Variants in RPS6KA2 observed in about 807,000 individuals in gnomAD.
The protein encoded by RPS6KA2 is ribosomal protein S6 kinase A2.
In RPS6KA2, 42 loss-of-function variants were observed where a neutral mutation model predicts 91.8. The ratio of observed to expected loss-of-function variants is 0.46; its 90% CI spans 0.36 to 0.59. The LOEUF (loss-of-function observed/expected upper bound fraction) is 0.59, where lower values mean the gene tolerates loss of function less well. RPS6KA2 is among the 20% of genes least tolerant of loss of function. The pLI, the probability that RPS6KA2 is intolerant of heterozygous loss-of-function variation, is 0.00. For synonymous variants in RPS6KA2, 414 were observed against 393.6 expected (o/e 1.05, Z -0.61); for missense variants, 798 against 978.5 (o/e 0.82, Z 2.46).
intron 2 of RPS6KA2, among the ~76,000 whole-genome samples, chr6:166,834,669 G>GAA (rs1780275219): frequency 6.6e-6 from 1 of 152,160 alleles, no homozygotes; most frequent in Admixed American, 6.5e-5. Context: ...TTGGGTGGTT[G>GAA]TCTTCTTATT....
intron 1 of RPS6KA2, among the ~76,000 whole-genome samples, chr6:166,539,819 G>A (rs567147154): frequency 4.5e-4 from 69 of 152,284 alleles, no homozygotes; most frequent in African/African-American, 1.5e-3. Flanking sequence ...TGAGACATTC[G>A]AGCCCAACTG....
chr6:166,706,595 CT>C (rs2128578385), intron 2 of RPS6KA2, among the ~76,000 whole-genome samples: 1 of 152,284 alleles, frequency 6.6e-6, no homozygotes, highest in East Asian at 1.9e-4. Flanking sequence ...CATCTGTGCT[CT>C]TTCCATCCCA....
intron 7 of RPS6KA2, 63 bp from the exon 8 acceptor site, chr6:166,498,713 A>G (rs1443137317): frequency 3.1e-6 from 5 of 1,587,894 alleles, no homozygotes; most frequent in Non-Finnish European, 3.4e-6. Context: ...GTCCACACTC[A>G]GGCGGGCATC....
At chr6:166,465,151 T>A (rs1211057581) in intron 11 of RPS6KA2, among the ~76,000 whole-genome samples, 1 of 152,228 alleles carries the variant, frequency 6.6e-6, no homozygotes, top group Non-Finnish European at 1.5e-5. Context: ...TTAGGAAATG[T>A]CTTCTCATTC....
intron 2 of RPS6KA2, chr6:166,702,367 G>A (rs1789550253): frequency 2.5e-6 from 4 of 1,609,604 alleles, no homozygotes; most frequent in East Asian, 2.2e-5. Flanking sequence ...TTTCATCAGG[G>A]ATATAGGCTA....
rs190482038 is a variant in RPS6KA2, at chr6:166,779,756, G to A, written c.123+78444C>T. On this transcript the variant is annotated intron_variant, in intron 2 of 21. Coordinates refer to the RPS6KA2 transcript ENST00000503859. ...CACCCCAGACTCTCACCAGGCAGAA[G>A]AGGAACTGGATGGCTGACTGCAGAA... Among the ~76,000 whole-genome samples, 42 of 152,266 alleles carry A rather than the reference G, an allele frequency of 2.8e-4. 1 individual carries two copies. The East Asian group carries it at 5.8e-3, about 21-fold the overall frequency.
intron 2 of RPS6KA2, among the ~76,000 whole-genome samples, chr6:166,637,248 C>G (rs1451108766): frequency 6.6e-6 from 1 of 152,202 alleles, no homozygotes; most frequent in Non-Finnish European, 1.5e-5. Context: ...GCTTGTTGGC[C>G]AAGGACACAC....
At chr6:166,555,551 C>T (rs960940185) in intron 1 of RPS6KA2, among the ~76,000 whole-genome samples, 1 of 152,210 alleles carries the variant, frequency 6.6e-6, no homozygotes, top group East Asian at 1.9e-4. Flanking sequence ...AATCCTGAGC[C>T]CAAATTCCTC....
At chr6:166,574,585 G>A (rs998532613) in intron 1 of RPS6KA2, among the ~76,000 whole-genome samples, 8 of 152,232 alleles carry the variant, frequency 5.3e-5, no homozygotes, top group East Asian at 1.9e-4. Context: ...TTGATTCCAC[G>A]TCTGTGCTAT....
At chr6:166,596,707 C>T (rs907455092) in intron 1 of RPS6KA2, among the ~76,000 whole-genome samples, 1 of 152,176 alleles carries the variant, frequency 6.6e-6, no homozygotes, top group Non-Finnish European at 1.5e-5. Context: ...TGGGACTTTA[C>T]CTTGTGATGG....
At chr6:166,658,348 G>A (rs998210059) in intron 2 of RPS6KA2, among the ~76,000 whole-genome samples, 8 of 152,318 alleles carry the variant, frequency 5.3e-5, no homozygotes, top group Non-Finnish European at 7.3e-5. Context: ...CCCACTGTAC[G>A]CAGAGATCAC....
At chr6:166,796,823 C>T (rs111833448) in intron 2 of RPS6KA2, among the ~76,000 whole-genome samples, 6,704 of 151,738 alleles carry the variant, frequency 0.044, 485 homozygotes, top group African/African-American at 0.15. Context: ...CCTGAGTGCA[C>T]GCACGTGGCA....
At chr6:166,415,839 C>T (rs1778477743) in intron 19 of RPS6KA2, among the ~76,000 whole-genome samples, 1 of 152,014 alleles carries the variant, frequency 6.6e-6, no homozygotes, top group South Asian at 2.1e-4. Context: ...CCACCTCCAC[C>T]ATCACCCTTA....
chr6:166,566,689 G>A (rs980412475), intron 1 of RPS6KA2, among the ~76,000 whole-genome samples: 1 of 152,198 alleles, frequency 6.6e-6, no homozygotes, highest in Non-Finnish European at 1.5e-5. Flanking sequence ...GCCTCTTAAG[G>A]GAAGCAATTC....
intron 1 of RPS6KA2, among the ~76,000 whole-genome samples, chr6:166,625,781 G>A (rs543873990): frequency 4.1e-4 from 63 of 152,240 alleles, no homozygotes; most frequent in African/African-American, 1.5e-3. Context: ...TTGTTTGAAA[G>A]ATGTGTTTTA....
rs1260399420 is a variant in RPS6KA2, at chr6:166,409,394, C to A, written c.*3368G>T. On this transcript the variant is annotated 3_prime_UTR_variant, in exon 21 of 21. Coordinates refer to ENST00000265678, the MANE Select transcript of RPS6KA2 (RefSeq NM_021135.6). ...GTTAGGCTAGAAAAAGATTACACTT[C>A]ATAAAACCATGTTTATTCAAAAAAA... is the stretch of plus-strand genomic sequence containing the variant. 1.3e-5 allele frequency: 2 copies of A among 152,238 alleles called. No individual in the cohort carries two copies. Among genetic ancestry groups the A allele is most frequent in the African/African-American group, 4.8e-5 (2 of 41,446 alleles). 9.4% of individuals were successfully genotyped at this position (152,238 alleles called of 1,614,324 possible).
intron 1 of RPS6KA2, among the ~76,000 whole-genome samples, chr6:166,570,273 A>C (rs567070825): frequency 6.6e-6 from 1 of 152,312 alleles, no homozygotes; most frequent in East Asian, 1.9e-4. Flanking sequence ...GGTATGGAGA[A>C]ACATGGGCAG....
At chr6:166,742,194 C>G (rs936522716) in intron 2 of RPS6KA2, among the ~76,000 whole-genome samples, 1 of 152,150 alleles carries the variant, frequency 6.6e-6, no homozygotes, top group African/African-American at 2.4e-5. Flanking sequence ...ACCATTAACA[C>G]TGAAATAAAT....
chr6:166,728,101 A>T (rs1790395949), intron 2 of RPS6KA2, among the ~76,000 whole-genome samples: 2 of 152,204 alleles, frequency 1.3e-5, no homozygotes. Context: ...ATACAGAAGG[A>T]TGTGCTTAGG....
Sources: gnomAD v4.1 joint callset for allele counts (sites outside exome capture counted in the v4.1 genomes callset) on GRCh38, gnomAD v4.1.1 for gene constraint, MANE v1.5 for transcripts, NCBI Gene and HGNC (gene_info 2026-07-23, HGNC 2026-07-21) for gene names.